ZFP2: variants seen among roughly 807,000 people sequenced by gnomAD.
The protein encoded by ZFP2 is zinc finger protein ZFP2.
Under a neutral mutation model 36.1 loss-of-function variants are expected in ZFP2, and 33 were observed. The observed-to-expected ratio is 0.92, with a 90% confidence interval of 0.69 to 1.22. The LOEUF (loss-of-function observed/expected upper bound fraction) is 1.22, where lower values mean the gene tolerates loss of function less well. Ranked by LOEUF, ZFP2 falls within the 50% of genes most tolerant of loss-of-function variation. ZFP2 has a pLI of 0.00. For synonymous variants in ZFP2, 170 were observed against 178.0 expected (o/e 0.96, Z 0.36); for missense variants, 522 against 551.4 (o/e 0.95, Z 0.53).
chr5:178,931,996 A>G lies in ZFP2; in HGVS notation c.683A>G (p.Asn228Ser), dbSNP rs1471145279. 33 of 1,613,896 alleles carry G rather than the reference A, an allele frequency of 2.0e-5. No homozygotes were observed. The highest frequency in any genetic ancestry group is 2.6e-5 in the Non-Finnish European group (31 of 1,179,930). ...ECGKAFTQSM[N>S]LTVHQRTHTG... is the part of the protein sequence containing the mutation. ...GGTAAAGCTTTTACCCAAAGCATGAATTTGACAGTTCATCAGAGAACTCAT... is the reference window on the plus strand; with the variant it reads ...GGTAAAGCTTTTACCCAAAGCATGAGTTTGACAGTTCATCAGAGAACTCAT... Residue 228 changes from asparagine (N) to serine (S), a missense_variant, in exon 5 of 5, where the codon AAT (asparagine) becomes AGT (serine). By Grantham distance (46) the Asn-to-Ser change is conservative. Transcript: ENST00000361362.
At chr5:178,909,986 G>A (rs1348193136) in intron 1 of ZFP2, 2 of 1,408,036 alleles carry the variant, frequency 1.4e-6, no homozygotes, top group Middle Eastern at 1.8e-4. Flanking sequence ...TCTGGGTAGA[G>A]ACTAGTTTCC....
chr5:178,921,307 C>T (rs1028846515), intron 4 of ZFP2, among the ~76,000 whole-genome samples: 2 of 152,206 alleles, frequency 1.3e-5, no homozygotes, highest in African/African-American at 4.8e-5. Flanking sequence ...TTTGACTCTT[C>T]TGGCTACAAG....
chr5:178,900,726 A>C (rs1412427451), intron 1 of ZFP2, among the ~76,000 whole-genome samples: 1 of 11,536 alleles, frequency 8.7e-5, no homozygotes. Flanking sequence ...CCCCAGCCAG[A>C]CAGTGTCCTC....
intron 1 of ZFP2, among the ~76,000 whole-genome samples, chr5:178,912,118 G>A (rs868306613): frequency 6.6e-6 from 1 of 152,324 alleles, no homozygotes; most frequent in African/African-American, 2.4e-5. Context: ...CGGCTACAGA[G>A]CAAGACTCGG....
At chr5:178,909,718 C>G in intron 1 of ZFP2, 1 of 1,530,450 alleles carries the variant, frequency 6.5e-7, no homozygotes, top group Admixed American at 2.0e-5. Context: ...TAAGTCTGCT[C>G]CTCAGGACAC....
At chr5:178,922,746 T>C (rs1758584129) in intron 4 of ZFP2, 1 of 1,548,600 alleles carries the variant, frequency 6.5e-7, no homozygotes, top group Non-Finnish European at 8.8e-7. Context: ...GATATTTCTT[T>C]GTGCAGATTC....
chr5:178,919,935 G>C (rs1758519220), intron 4 of ZFP2, among the ~76,000 whole-genome samples: 1 of 151,684 alleles, frequency 6.6e-6, no homozygotes, highest in Non-Finnish European at 1.5e-5. Flanking sequence ...CTGCACTTCA[G>C]CCTGGGCGAC....
intron 1 of ZFP2, among the ~76,000 whole-genome samples, chr5:178,903,591 T>G (rs1257090539): frequency 6.6e-6 from 1 of 152,220 alleles, no homozygotes; most frequent in Non-Finnish European, 1.5e-5. Context: ...TCTTTTAAAT[T>G]TGTTTATAAT....
chr5:178,906,840 G>GC (rs1758177101), intron 1 of ZFP2, among the ~76,000 whole-genome samples: 1 of 150,620 alleles, frequency 6.6e-6, no homozygotes, highest in South Asian at 2.1e-4. Flanking sequence ...TTATAGGCGT[G>GC]CACCACCATG....
At chr5:178,916,103 C>A (rs771720346) in intron 3 of ZFP2, among the ~76,000 whole-genome samples, 9 of 151,586 alleles carry the variant, frequency 5.9e-5, no homozygotes, top group Non-Finnish European at 1.0e-4. Flanking sequence ...GCCAAGGATG[C>A]TCTGGTGAAG....
Position 178,932,752 on chromosome 5 carries a change from A to G in ZFP2, c.*53A>G. 2 of 1,517,118 alleles carry G rather than the reference A, an allele frequency of 1.3e-6. No homozygotes were observed. Among genetic ancestry groups the G allele is most frequent in the South Asian group, 1.4e-5 (1 of 73,822 alleles). The allele number at this position is 1,517,118 out of a possible 1,614,324, so 94.0% of individuals were successfully genotyped here. A position where few individuals can be genotyped will look rare whatever the true frequency, so the allele number is the denominator to read the frequency against. ...TGATTAACTCTTCAGTAATAATCAT[A>G]TGAGACATACAATGTAGAAACCTAA... On this transcript the variant is annotated 3_prime_UTR_variant, in exon 5 of 5. Coordinates refer to ENST00000361362, the MANE Select transcript of ZFP2 (RefSeq NM_030613.4).
At chr5:178,926,650 G>T (rs1050684147) in intron 4 of ZFP2, among the ~76,000 whole-genome samples, 1 of 152,088 alleles carries the variant, frequency 6.6e-6, no homozygotes, top group Non-Finnish European at 1.5e-5. Context: ...CTGAGTAGCT[G>T]GGACTACAGG....
intron 4 of ZFP2, among the ~76,000 whole-genome samples, chr5:178,927,471 A>G (rs1333158274): frequency 6.6e-6 from 1 of 151,404 alleles, no homozygotes; most frequent in African/African-American, 2.4e-5. Flanking sequence ...ACCTGAGACT[A>G]GGTAATTTAT....
intron 3 of ZFP2, among the ~76,000 whole-genome samples, chr5:178,915,354 G>A (rs1758401013): frequency 1.6e-5 from 2 of 121,994 alleles, no homozygotes; most frequent in Non-Finnish European, 3.3e-5. Context: ...TTGAGATGGA[G>A]TCAGGCTGGA....
intron 1 of ZFP2, among the ~76,000 whole-genome samples, chr5:178,912,321 C>T (rs1758315756): frequency 6.6e-6 from 1 of 152,046 alleles, no homozygotes; most frequent in African/African-American, 2.4e-5. Flanking sequence ...ATCACAACAC[C>T]ACTCCTTCCT....
chr5:178,929,953 G>GGGGGCC (rs1758789148), intron 4 of ZFP2, among the ~76,000 whole-genome samples: 3 of 146,030 alleles, frequency 2.1e-5, no homozygotes, highest in Non-Finnish European at 4.6e-5. Context: ...GGGGGGGGGG[G>GGGGGCC]CTCAGGAGGC....
rs61746657 is a variant in ZFP2, at chr5:178,932,352, A to G, written c.1039A>G (p.Ile347Val). The stretch of plus-strand genomic sequence containing the variant: ...TTCATCTCTAACTCAACATCGGAGA[A>G]TTCACACTGGAGAGAAACCTTATGA... ...KNSSLTQHRR[I>V]HTGEKPYECM... is the part of the protein sequence containing the mutation. Residue 347 changes from isoleucine to valine, a missense_variant, in exon 5 of 5, where the codon ATT (isoleucine) becomes GTT (valine). Coordinates refer to ENST00000361362, the MANE Select transcript of ZFP2 (RefSeq NM_030613.4). The G allele has an allele frequency of 2.8e-4, 448 of 1,614,238 alleles. 2 individuals carry two copies. The African/African-American group carries it at 5.5e-3, about 20-fold the overall frequency.
chr5:178,930,471 C>T (rs1272355410), intron 4 of ZFP2, among the ~76,000 whole-genome samples: 1 of 151,790 alleles, frequency 6.6e-6, no homozygotes, highest in African/African-American at 2.4e-5. Context: ...CAGGCGCCTG[C>T]CACCATGCCC....
At position 178,897,223 on chromosome 5, in the gene ZFP2, A is replaced by G. The variant is rs142128294; in HGVS notation, c.-450+1249A>G. Reference sequence around the variant, plus strand: ...CAGTTTATATAAACACTTGCAGTGTAAGAGTGCCAGATTTACCCACACCAA... The same window carrying G: ...CAGTTTATATAAACACTTGCAGTGTGAGAGTGCCAGATTTACCCACACCAA... On this transcript the variant is annotated intron_variant, in intron 1 of 4. Coordinates refer to ENST00000361362, the MANE Select transcript of ZFP2 (RefSeq NM_030613.4). Among the ~76,000 whole-genome samples the G allele has an allele frequency of 1.6e-3, 238 of 152,318 alleles. 3 individuals carry two copies. The highest frequency in any genetic ancestry group is 5.4e-3 in the African/African-American group (225 of 41,568).
Sources: gnomAD v4.1 joint callset for allele counts (sites outside exome capture counted in the v4.1 genomes callset) on GRCh38, gnomAD v4.1.1 for gene constraint, MANE v1.5 for transcripts, NCBI Gene and HGNC (gene_info 2026-07-23, HGNC 2026-07-21) for gene names.